Variants in TSNARE1 observed in about 807,000 individuals in gnomAD.
TSNARE1 encodes the protein t-SNARE domain-containing protein 1.
In TSNARE1, 49 loss-of-function variants were observed where a neutral mutation model predicts 62.0. The ratio of observed to expected loss-of-function variants is 0.79; its 90% CI spans 0.63 to 1.00. The LOEUF is 1.00. Ranked by LOEUF, TSNARE1 falls within the 50% of genes least tolerant of loss-of-function variation. The pLI, the probability that TSNARE1 is intolerant of heterozygous loss-of-function variation, is 0.00. For synonymous variants in TSNARE1, 328 were observed against 294.4 expected (o/e 1.11, Z -1.17); for missense variants, 755 against 700.1 (o/e 1.08, Z -0.88).
At chr8:142,318,029 T>C (rs1381257925) in intron 7 of TSNARE1, among the ~76,000 whole-genome samples, 5 of 151,846 alleles carry the variant, frequency 3.3e-5, no homozygotes, top group South Asian at 2.1e-4. Flanking sequence ...GCCGGAACGG[T>C]AGTGATGGCT....
At chr8:142,293,205 C>T (rs533224863) in intron 10 of TSNARE1, among the ~76,000 whole-genome samples, 3 of 152,370 alleles carry the variant, frequency 2.0e-5, no homozygotes, top group East Asian at 3.9e-4. Context: ...CAGTGCAAGG[C>T]TAACCCCTTA....
chr8:142,251,477 A>G (rs988468204), intron 12 of TSNARE1, among the ~76,000 whole-genome samples: 4 of 152,110 alleles, frequency 2.6e-5, no homozygotes, highest in African/African-American at 9.7e-5. Flanking sequence ...TGGGCCCACG[A>G]GCAGCTCAGG....
At chr8:142,350,904 G>T (rs117918410) in intron 2 of TSNARE1, among the ~76,000 whole-genome samples, 2,252 of 152,344 alleles carry the variant, frequency 0.015, 29 homozygotes, top group Non-Finnish European at 0.023. Flanking sequence ...TGTAACACGG[G>T]ATCTCGGGAG....
chr8:142,336,172 T>C (rs1301479990), intron 4 of TSNARE1, among the ~76,000 whole-genome samples: 1 of 151,514 alleles, frequency 6.6e-6, no homozygotes, highest in Non-Finnish European at 1.5e-5. Flanking sequence ...TCTCAGCTAC[T>C]TGAAATGCTG....
chr8:142,366,516 C>T (rs922176728), intron 1 of TSNARE1, among the ~76,000 whole-genome samples: 1 of 152,198 alleles, frequency 6.6e-6, no homozygotes, highest in Non-Finnish European at 1.5e-5. Context: ...TGCACTACAC[C>T]ATATTAACCT....
chr8:142,326,554 A>AGTGAAGGGGAGG, intron 6 of TSNARE1, among the ~76,000 whole-genome samples: 2 of 143,804 alleles, frequency 1.4e-5, no homozygotes, highest in African/African-American at 5.3e-5. Context: ...AACCAGCACC[A>AGTGAAGGGGAGG]GCGAAGGGGA....
intron 5 of TSNARE1, 66 bp from the exon 6 acceptor site, chr8:142,331,036 G>C: frequency 6.8e-7 from 1 of 1,477,562 alleles, no homozygotes; most frequent in Non-Finnish European, 9.4e-7. Context: ...TACTCCATAT[G>C]GGTGGCCCCA....
intron 2 of TSNARE1, among the ~76,000 whole-genome samples, chr8:142,348,751 G>C (rs1833712947): frequency 6.6e-6 from 1 of 152,020 alleles, no homozygotes; most frequent in Non-Finnish European, 1.5e-5. Context: ...TGAGGAGACA[G>C]CTACATGTCC....
chr8:142,368,414 C>G (rs1344362005), intron 1 of TSNARE1, among the ~76,000 whole-genome samples: 3 of 152,090 alleles, frequency 2.0e-5, no homozygotes, highest in South Asian at 2.1e-4. Context: ...CTGCCCATGA[C>G]TAGGAAGCTG....
chr8:142,262,262 G>C (rs1000736211), intron 12 of TSNARE1, among the ~76,000 whole-genome samples: 2 of 152,146 alleles, frequency 1.3e-5, no homozygotes, highest in Admixed American at 1.3e-4. Flanking sequence ...GATTGGAATT[G>C]CATTGAGCCT....
chr8:142,287,000 T>C (rs1489012165), intron 10 of TSNARE1, among the ~76,000 whole-genome samples: 1 of 152,238 alleles, frequency 6.6e-6, no homozygotes, highest in Non-Finnish European at 1.5e-5. Flanking sequence ...AGAGGGTTAG[T>C]GACTGCCCAA....
At chr8:142,403,383 C>T (rs188849339), upstream of TSNARE1, 2,839 of 112,310 alleles carry the variant, frequency 0.025, 92 homozygotes, top group African/African-American at 0.12. Context: ...TGGTGGGCCT[C>T]CGTTTCCCCG....
In TSNARE1 at chr8:142,354,667, C is replaced by G. The variant is rs1210749076; in HGVS notation, c.58G>C (p.Gly20Arg). 4 of 1,613,446 alleles carry G rather than the reference C, an allele frequency of 2.5e-6. No individual in the cohort carries two copies. Among genetic ancestry groups the G allele is most frequent in the Admixed American group, 1.7e-5 (1 of 59,950 alleles). Residue 20 changes from glycine to arginine, a missense_variant, in exon 2 of 14, where the codon GGA becomes CGA. Coordinates refer to ENST00000524325, the MANE Select transcript of TSNARE1 (RefSeq NM_145003.5). Reference sequence around the variant, plus strand: ...GGCTGACAGCCTTGTCTCGAAGGTCCCCCGAAAGGGCCACGGCTCCCCAGG... The same window carrying G: ...GGCTGACAGCCTTGTCTCGAAGGTCGCCCGAAAGGGCCACGGCTCCCCAGG... ...GGLGSRGPFGGPSRQGCQPLE... is the reference protein window; with the variant it reads ...GGLGSRGPFGRPSRQGCQPLE...
rs746406295 is a variant in TSNARE1 at position 142,314,958 on chromosome 8, C to A, written c.1074+45G>T. ...ACAGTGCTCCGGGAACCGAGGCCGA[C>A]CCCACCTGGCCTGCAGACCCCCACT... On this transcript the variant is annotated intron_variant, in intron 8 of 13. Coordinates refer to ENST00000524325, the MANE Select transcript of TSNARE1 (RefSeq NM_145003.5). 4.5e-5 allele frequency: 72 copies of A among 1,595,266 alleles called. No individual in the cohort carries two copies. In the South Asian group the frequency reaches 7.3e-4, roughly 16 times the overall value.
chr8:142,218,663 C>T (rs1816063909), intron 13 of TSNARE1, among the ~76,000 whole-genome samples: 1 of 152,204 alleles, frequency 6.6e-6, no homozygotes, highest in Non-Finnish European at 1.5e-5. Flanking sequence ...ACACCCGACA[C>T]ACTCAGGGTC....
chr8:142,314,320 G>A lies in TSNARE1; in HGVS notation c.1131+64C>T, dbSNP rs549876924. On this transcript the variant is annotated intron_variant, in intron 9 of 13. Transcript: ENST00000524325. ...CCTCCCCGCCCTTCCATGGAGCACA[G>A]ATGGCAGCGGATTCTGGGCTGTCCC... is the stretch of plus-strand genomic sequence containing the variant. 3.4e-6 allele frequency: 5 copies of A among 1,491,858 alleles called. No homozygotes were observed. The South Asian group carries it at 5.8e-5, about 17-fold the overall frequency. 92.4% of individuals were successfully genotyped at this position (1,491,858 alleles called of 1,614,324 possible). A position where few individuals can be genotyped will look rare whatever the true frequency, so the allele number is the denominator to read the frequency against.
At position 142,285,977 on chromosome 8, in the gene TSNARE1, G is replaced by A. The variant is rs549984271; in HGVS notation, c.1291-1492C>T. Among the ~76,000 whole-genome samples, 3 of 152,290 alleles carry A rather than the reference G, an allele frequency of 2.0e-5. No homozygotes were observed. In the East Asian group the frequency reaches 5.8e-4, roughly 29 times the overall value. On this transcript the variant is annotated intron_variant, in intron 10 of 13. Coordinates refer to ENST00000524325, the MANE Select transcript of TSNARE1 (RefSeq NM_145003.5). ...CCATCTAACAGAGCAGGGATTGGGG[G>A]CTCAAGTGGTCCCATGACCTCCAGG...
intron 13 of TSNARE1, among the ~76,000 whole-genome samples, chr8:142,217,813 G>A (rs928942749): frequency 7.2e-5 from 11 of 151,988 alleles, no homozygotes; most frequent in African/African-American, 2.2e-4. Flanking sequence ...CAGGATCAGC[G>A]TTCAGGGTGT....
At chr8:142,334,549 A>C (rs929424861) in intron 4 of TSNARE1, among the ~76,000 whole-genome samples, 2 of 152,182 alleles carry the variant, frequency 1.3e-5, no homozygotes, top group Non-Finnish European at 2.9e-5. Flanking sequence ...AATAATGACC[A>C]AAAGTACCCA....
Sources: gnomAD v4.1 joint callset for allele counts (sites outside exome capture counted in the v4.1 genomes callset) on GRCh38, gnomAD v4.1.1 for gene constraint, MANE v1.5 for transcripts, NCBI Gene and HGNC (gene_info 2026-07-23, HGNC 2026-07-21) for gene names.